The following HSD17B11 variants were observed in gnomAD, a reference collection of about 807,000 sequenced individuals.
HSD17B11 encodes estradiol 17-beta-dehydrogenase 11.
HSD17B11 carries 22 observed loss-of-function variants against 27.8 expected under a neutral mutation model. The ratio of observed to expected loss-of-function variants is 0.79; its 90% CI spans 0.56 to 1.13. The LOEUF (loss-of-function observed/expected upper bound fraction) is 1.13, where lower values mean the gene tolerates loss of function less well. Among genes scored for constraint, HSD17B11 ranks in the 50% most tolerant of loss-of-function variants. The pLI is 0.00. For missense variants in HSD17B11, 314 were observed against 351.1 expected, an observed-to-expected ratio of 0.89 and a Z score of 0.84; for synonymous variants, 117 against 132.8, an observed-to-expected ratio of 0.88 and a Z score of 0.82.
chr4:87,346,521 G>C (rs918600658), intron 5 of HSD17B11, among the ~76,000 whole-genome samples: 2 of 152,022 alleles, frequency 1.3e-5, no homozygotes, highest in Non-Finnish European at 2.9e-5. Flanking sequence ...ATGGTGGCAC[G>C]CACCTGTACT....
chr4:87,374,932 T>A, intron 2 of HSD17B11, 102 bp from the exon 3 acceptor site: 1 of 860,936 alleles, frequency 1.2e-6, no homozygotes, highest in South Asian at 1.8e-5. Flanking sequence ...CTTGCTCTGT[T>A]GCCCAGGCTG....
chr4:87,389,871 C>T (rs1720411367), intron 1 of HSD17B11, among the ~76,000 whole-genome samples: 1 of 152,176 alleles, frequency 6.6e-6, no homozygotes, highest in South Asian at 2.1e-4. Flanking sequence ...TAAAAAATTA[C>T]ACTGAAAGTT....
At chr4:87,378,057 C>A (rs1298135204) in intron 2 of HSD17B11, among the ~76,000 whole-genome samples, 2 of 152,078 alleles carry the variant, frequency 1.3e-5, no homozygotes, top group Non-Finnish European at 2.9e-5. Flanking sequence ...GACAAGCCAC[C>A]CCAAACAGAA....
At chr4:87,372,916 C>T in intron 3 of HSD17B11, 101 bp from the exon 4 acceptor site, 2 of 716,646 alleles carry the variant, frequency 2.8e-6, no homozygotes, top group Non-Finnish European at 4.7e-6. Flanking sequence ...AACATTAATC[C>T]TGTCATAAAT....
chr4:87,371,759 G>A (rs1156805235), intron 4 of HSD17B11, among the ~76,000 whole-genome samples: 1 of 152,200 alleles, frequency 6.6e-6, no homozygotes, highest in Non-Finnish European at 1.5e-5. Context: ...TGGCTGAGTT[G>A]AAGATAACTG....
At chr4:87,390,583 G>A (rs75563812) in intron 1 of HSD17B11, among the ~76,000 whole-genome samples, 6,149 of 152,172 alleles carry the variant, frequency 0.04, 402 homozygotes, top group African/African-American at 0.14. Context: ...AGGGATCAAT[G>A]AAATCAGGTT....
At chr4:87,363,680 T>TA (rs1735561057) in intron 4 of HSD17B11, among the ~76,000 whole-genome samples, 1 of 152,216 alleles carries the variant, frequency 6.6e-6, no homozygotes, top group African/African-American at 2.4e-5. Flanking sequence ...ATTAAATAGT[T>TA]AAAAGCCTTT....
intron 2 of HSD17B11, among the ~76,000 whole-genome samples, chr4:87,376,443 T>A (rs6818142): frequency 0.31 from 44,153 of 144,744 alleles, 6,962 homozygotes; most frequent in African/African-American, 0.35. Context: ...AGGCGGAGGT[T>A]GCAGTGAGCT....
rs1383267286 is a variant in HSD17B11, at chr4:87,374,702, G to C, written c.447C>G (p.Phe149Leu). Residue 149 changes from phenylalanine to leucine, a missense_variant, in exon 3 of 7, where the codon TTC becomes TTG. Phe to Leu is a conservative substitution (Grantham distance 22, BLOSUM62 0). Transcript: ENST00000358290. ...TTGTAAAAGAAGCCATACTCACCCAGAAATGTGCAAGTACATTAACTTCAA... is the reference window on the plus strand; with the variant it reads ...TTGTAAAAGAAGCCATACTCACCCACAAATGTGCAAGTACATTAACTTCAA... ...KTFEVNVLAH[F>L]WTTKAFLPAM... The C allele has an allele frequency of 1.9e-6, 3 of 1,596,006 alleles. No homozygotes were observed. The highest frequency in any genetic ancestry group is 2.7e-5 in the African/African-American group (2 of 73,618).
chr4:87,367,331 A>G (rs1735629798), intron 4 of HSD17B11, among the ~76,000 whole-genome samples: 1 of 152,210 alleles, frequency 6.6e-6, no homozygotes, highest in Non-Finnish European at 1.5e-5. Flanking sequence ...ACCTATGGTA[A>G]GTAAAGAATG....
At chr4:87,353,214 G>T (rs1735318985) in intron 5 of HSD17B11, among the ~76,000 whole-genome samples, 1 of 151,424 alleles carries the variant, frequency 6.6e-6, no homozygotes, top group Non-Finnish European at 1.5e-5. Context: ...TTCACTTTTG[G>T]ATAATTATCT....
At chr4:87,344,546 C>T (rs1195600274) in intron 5 of HSD17B11, among the ~76,000 whole-genome samples, 1 of 152,168 alleles carries the variant, frequency 6.6e-6, no homozygotes, top group East Asian at 1.9e-4. Flanking sequence ...ACAGTTTCAA[C>T]AATAATAGCC....
At chr4:87,387,629 T>C (rs989505811) in intron 1 of HSD17B11, among the ~76,000 whole-genome samples, 8 of 152,178 alleles carry the variant, frequency 5.3e-5, no homozygotes, top group Admixed American at 1.3e-4. Context: ...GGGATGTGTA[T>C]ACCGAACTAG....
intron 4 of HSD17B11, among the ~76,000 whole-genome samples, chr4:87,361,275 C>T (rs1356143766): frequency 6.6e-6 from 1 of 152,190 alleles, no homozygotes; most frequent in African/African-American, 2.4e-5. Flanking sequence ...TGCTACACTC[C>T]CACCAGCGCC....
intron 4 of HSD17B11, 121 bp downstream of exon 4, chr4:87,372,588 T>C: frequency 4.7e-6 from 3 of 640,670 alleles, no homozygotes; most frequent in East Asian, 2.8e-5. Context: ...CAACTCTCAA[T>C]AATAAACTGG....
At chr4:87,345,173 G>C (rs528977944) in intron 5 of HSD17B11, 6 of 152,624 alleles carry the variant, frequency 3.9e-5, no homozygotes, top group East Asian at 3.8e-4. Context: ...GGCTGAGGCA[G>C]GAGGATCACT....
chr4:87,361,539 G>A (rs1001093317), intron 4 of HSD17B11, among the ~76,000 whole-genome samples: 27 of 152,206 alleles, frequency 1.8e-4, no homozygotes, highest in African/African-American at 6.5e-4. Context: ...AGGCCAAGGC[G>A]GGCGGATCAC....
intron 4 of HSD17B11, among the ~76,000 whole-genome samples, chr4:87,366,427 T>G (rs553412520): frequency 3.8e-4 from 58 of 152,340 alleles, no homozygotes; most frequent in Middle Eastern, 3.4e-3. Context: ...AATAATACAT[T>G]AATGTAAAGG....
At chr4:87,390,133 G>C (rs1265680208) in intron 1 of HSD17B11, among the ~76,000 whole-genome samples, 4 of 152,076 alleles carry the variant, frequency 2.6e-5, no homozygotes, top group African/African-American at 9.7e-5. Flanking sequence ...TGGCAATGTA[G>C]CATTGGTTTC....
Sources: allele counts gnomAD v4.1 joint callset (sites outside exome capture counted in the v4.1 genomes callset), GRCh38; gene constraint gnomAD v4.1.1; transcripts MANE v1.5; gene names NCBI Gene and HGNC (gene_info 2026-07-23, HGNC 2026-07-21).